NUP214: variants seen among roughly 807,000 people sequenced by gnomAD.
The protein encoded by NUP214 is nuclear pore complex protein Nup214.
Under a neutral mutation model 196.2 loss-of-function variants are expected in NUP214, and 79 were observed. The observed-to-expected ratio is 0.40, with a 90% CI of 0.34 to 0.49. The LOEUF (loss-of-function observed/expected upper bound fraction) is 0.49, where lower values mean the gene tolerates loss of function less well. Among genes scored for constraint, NUP214 ranks in the 20% least tolerant of loss-of-function variants. The pLI is 0.58. For synonymous variants in NUP214, 1,020 were observed against 990.5 expected, an observed-to-expected ratio of 1.03 and a Z score of -0.56; for missense variants, 2,468 against 2,539.0, an observed-to-expected ratio of 0.97 and a Z score of 0.60.
chr9:131,144,602 G>A lies in NUP214; in HGVS notation c.1617G>A (p.Val539=), dbSNP rs761321195. The A allele has an allele frequency of 6.2e-7, 1 of 1,613,994 alleles. No homozygotes were observed. Among genetic ancestry groups the A allele is most frequent in the Non-Finnish European group, 8.5e-7 (1 of 1,180,008 alleles). The part of the protein sequence containing the change: ...SLAPTPAASP[V]APSAASFSFG... Reference sequence around the variant, plus strand: ...CCCCCACCCCTGCAGCGTCTCCTGTGGCTCCATCAGCTGCTTCATTCTCCT... The same window carrying A: ...CCCCCACCCCTGCAGCGTCTCCTGTAGCTCCATCAGCTGCTTCATTCTCCT... Residue 539 remains valine (V), a synonymous_variant, in exon 12 of 36, where the codon GTG becomes GTA. Transcript: ENST00000359428.
chr9:131,218,895 C>T (rs1036033134), intron 31 of NUP214, among the ~76,000 whole-genome samples: 6 of 152,102 alleles, frequency 3.9e-5, no homozygotes, highest in Non-Finnish European at 8.8e-5. Flanking sequence ...GCTTGCATCC[C>T]TCCCTCACTT....
rs754496000 is a variant in NUP214 at position 131,127,635 on chromosome 9, G to A, written c.157G>A (p.Ala53Thr). 19 of 1,613,986 alleles carry A rather than the reference G, an allele frequency of 1.2e-5. No individual in the cohort carries two copies. The highest frequency in any genetic ancestry group is 9.9e-5 in the South Asian group (9 of 91,078). ...GTCCAACAAATATGGTCTGGTCTTC[G>A]CTGGTGGAGCCAGTGGCTTGCAGAT... ...AVSNKYGLVF[A>T]GGASGLQIFP... The change falls in exon 2 of 36, where the codon GCT becomes ACT. Residue 53 changes from alanine (A) to threonine (T), a missense_variant. Physicochemically the swap from Ala to Thr is moderately conservative, Grantham distance 58 (BLOSUM62 0). This residue lies in a region of NUP214 where 392 missense variants were observed against 417.9 expected (regional missense o/e 0.94). Transcript: ENST00000359428.
intron 26 of NUP214, chr9:131,191,029 G>C (rs1159369705): frequency 6.6e-6 from 1 of 151,504 alleles, no homozygotes; most frequent in African/African-American, 2.4e-5. Context: ...TATATCAGTA[G>C]TTTTAAAAAT....
At chr9:131,183,143 G>A (rs1833336320) in intron 24 of NUP214, among the ~76,000 whole-genome samples, 1 of 152,206 alleles carries the variant, frequency 6.6e-6, no homozygotes, top group Non-Finnish European at 1.5e-5. Flanking sequence ...GGAGTGCAGT[G>A]GTGCGATTTC....
intron 24 of NUP214, among the ~76,000 whole-genome samples, chr9:131,184,026 C>CTTTTTTTTTTTTTT (rs776765956): frequency 1.8e-3 from 190 of 104,360 alleles, no homozygotes; most frequent in Non-Finnish European, 2.1e-3. Flanking sequence ...TTTTCTTTTT[C>CTTTTTTTTTTTTTT]TTTTTTTTTT....
rs570057564 is a variant in NUP214, at chr9:131,146,175, G to T, written c.1816G>T (p.Ala606Ser). The change falls in exon 13 of 36, where the codon GCA becomes TCA. Residue 606 changes from alanine to serine, a missense_variant. This residue lies in a region of NUP214 where 1,801 missense variants were observed against 1,779.4 expected (regional missense o/e 1.01). Coordinates refer to ENST00000359428, the MANE Select transcript of NUP214 (RefSeq NM_005085.4). This position sits in a 1 kb window ranked among gnomAD's most constrained non-coding sequence, Gnocchi z 4.6. ...TSTPVSSSQS[A>S]PPMSPFSSAS... ...TACTCCTGTTAGTAGCTCCCAGAGC[G>T]CACCCCCGATGTCGCCATTCTCTTC... 1.2e-6 allele frequency: 2 copies of T among 1,614,060 alleles called. No individual in the cohort carries two copies. The highest frequency in any genetic ancestry group is 3.3e-5 in the Admixed American group (2 of 60,008).
chr9:131,147,491 A>G lies in NUP214; in HGVS notation c.1947A>G (p.Gly649=). The G allele has an allele frequency of 6.2e-7, 1 of 1,607,448 alleles. No homozygotes were observed. The highest frequency in any genetic ancestry group is 8.5e-7 in the Non-Finnish European group (1 of 1,177,442). The change falls in exon 14 of 36, where the codon GGA becomes GGG. Residue 649 remains glycine (G), a splice_region_variant and synonymous_variant. Transcript: ENST00000359428. The part of the protein sequence containing the change: ...LKSSVLPSPS[G]RSAQGSSSPV... ...TTAACTGACTTCTTTTTCAAGCAGG[A>G]CGATCTGCTCAGGGCAGTTCAAGCC...
At chr9:131,187,479 TG>T (rs1393878054) in intron 25 of NUP214, 115 bp downstream of exon 25, 1 of 704,112 alleles carries the variant, frequency 1.4e-6, no homozygotes, top group East Asian at 2.8e-5. Flanking sequence ...CTCTGCCTCC[TG>T]GGTTCAAGTG....
chr9:131,128,466 C>T lies in NUP214; in HGVS notation c.376C>T (p.Arg126Cys), dbSNP rs772612939. 128 of 1,612,050 alleles carry T rather than the reference C, an allele frequency of 7.9e-5. No homozygotes were observed. Among genetic ancestry groups the T allele is most frequent in the African/African-American group, 1.3e-4 (10 of 74,838 alleles). ...TTCCATTATTGCTTTTTTTGATGTT[C>T]GCACATTCTCAAATGAGGTAAGCTA... ...YGSIIAFFDV[R>C]TFSNEAKQQK... The change falls in exon 3 of 36, where the codon CGC becomes TGC. Residue 126 changes from arginine to cysteine, a missense_variant. By Grantham distance (180) the Arg-to-Cys change is radical. Transcript: ENST00000359428.
chr9:131,135,872 G>A (rs1299596034), intron 8 of NUP214, 68 bp from the exon 9 acceptor site: 12 of 1,309,240 alleles, frequency 9.2e-6, no homozygotes, highest in South Asian at 3.7e-5. Flanking sequence ...GGTGTTACCT[G>A]CAGACCCAGG....
chr9:131,202,537 C>T (rs1371470045), intron 30 of NUP214, among the ~76,000 whole-genome samples: 1 of 152,080 alleles, frequency 6.6e-6, no homozygotes, highest in East Asian at 1.9e-4. Flanking sequence ...CATCCTCCCA[C>T]CTCAGTTTCC....
chr9:131,201,454 A>G (rs1833936077), intron 29 of NUP214, among the ~76,000 whole-genome samples, 193 bp from the exon 30 acceptor site: 1 of 151,738 alleles, frequency 6.6e-6, no homozygotes, highest in South Asian at 2.1e-4. Context: ...AGTCCCAGCT[A>G]CTCAGGAGGC....
intron 18 of NUP214, among the ~76,000 whole-genome samples, chr9:131,161,145 T>C (rs1832620203): frequency 6.6e-6 from 1 of 152,256 alleles, no homozygotes; most frequent in Non-Finnish European, 1.5e-5. Context: ...TATGCTTTTC[T>C]GAGTTCTCTT....
rs1383275282 is a variant in NUP214, at chr9:131,233,798, T to C, written c.*311T>C. 1.6e-5 allele frequency: 7 copies of C among 446,850 alleles called. No homozygotes were observed. The highest frequency in any genetic ancestry group is 3.5e-5 in the Admixed American group (1 of 28,768). The allele number at this position is 446,850 out of a possible 1,614,324, so 27.7% of individuals were successfully genotyped here. On this transcript the variant is annotated 3_prime_UTR_variant, in exon 36 of 36. Transcript: ENST00000359428. ...GCAGAGCCTCCATCAGCCAGAACAC[T>C]GTGTCTTCAAGGATGGCATCAGAAG...
At chr9:131,216,879 G>A (rs1263254895) in intron 31 of NUP214, among the ~76,000 whole-genome samples, 2 of 152,114 alleles carry the variant, frequency 1.3e-5, no homozygotes, top group Non-Finnish European at 2.9e-5. Context: ...AAAGAAATCT[G>A]TTTGTGTAGA....
rs145350725 is a variant in NUP214, at chr9:131,210,394, C to T, written c.5593-4818C>T. On this transcript the variant is annotated intron_variant, in intron 30 of 35. Transcript: ENST00000359428. ...CCTGTAATGCCAGCACTTTGGGAGGCCAAGGCGGGCGGATCACGAGGTCAG... is the reference window on the plus strand; with the variant it reads ...CCTGTAATGCCAGCACTTTGGGAGGTCAAGGCGGGCGGATCACGAGGTCAG... 2.1e-3 allele frequency among the ~76,000 whole-genome samples: 320 copies of T among 152,106 alleles called. 3 individuals carry two copies. The highest frequency in any genetic ancestry group is 0.017 in the Admixed American group (261 of 15,286).
At chr9:131,216,525 C>CTTT (rs59503012) in intron 31 of NUP214, among the ~76,000 whole-genome samples, 1 of 126,270 alleles carries the variant, frequency 7.9e-6, no homozygotes, top group Non-Finnish European at 1.6e-5. Context: ...CACGCCCAGG[C>CTTT]TTTTTTTTTT....
intron 26 of NUP214, chr9:131,190,428 C>A: frequency 4.3e-6 from 3 of 692,526 alleles, no homozygotes. Context: ...CATTGCTGAT[C>A]ATGAAATCCT....
intron 14 of NUP214, chr9:131,150,018 T>A: frequency 4.9e-6 from 1 of 203,640 alleles, no homozygotes; most frequent in South Asian, 1.0e-4. Context: ...CCTTTTTTAT[T>A]CTCTTTATGT....
Sources: allele counts gnomAD v4.1 joint callset (sites outside exome capture counted in the v4.1 genomes callset), GRCh38; gene constraint gnomAD v4.1.1; regional missense constraint gnomAD v4.1.1; non-coding constraint Gnocchi (gnomAD v3.1); transcripts MANE v1.5; gene names NCBI Gene and HGNC (gene_info 2026-07-23, HGNC 2026-07-21).